DCUN1D5: variants seen among roughly 807,000 people sequenced by gnomAD.
The protein encoded by DCUN1D5 is defective in cullin neddylation 1 domain containing 5, also known as DCN1-like protein 5.
A neutral mutation model predicts 38.3 loss-of-function variants in DCUN1D5; 10 were observed. The observed-to-expected ratio is 0.26, with a 90% CI of 0.16 to 0.44. DCUN1D5 has a LOEUF of 0.44. DCUN1D5 is among the 20% of genes least tolerant of loss of function. The pLI, the probability that DCUN1D5 is intolerant of heterozygous loss-of-function variation, is 1.00. For synonymous variants in DCUN1D5, 93 were observed against 90.9 expected (o/e 1.02, Z -0.13); for missense variants, 148 against 275.3 (o/e 0.54, Z 3.27).
At position 103,062,832 on chromosome 11, in the gene DCUN1D5, A is replaced by G. The variant is rs1862046160; in HGVS notation, c.659-418T>C. Reference sequence around the variant, plus strand: ...CATAATAGAGACTTACTTTATTCCAATAACAGGATGTAGTACAAAGCTGAA... The same window carrying G: ...CATAATAGAGACTTACTTTATTCCAGTAACAGGATGTAGTACAAAGCTGAA... On this transcript the variant is annotated intron_variant, in intron 7 of 7. Transcript: ENST00000260247. This position sits in a 1 kb window ranked among gnomAD's most constrained non-coding sequence, Gnocchi z 4.6. Among the ~76,000 whole-genome samples the G allele has an allele frequency of 6.6e-6, 1 of 152,164 alleles. No individual in the cohort carries two copies. The highest frequency in any genetic ancestry group is 1.5e-5 in the Non-Finnish European group (1 of 67,982).
Position 103,058,168 on chromosome 11 carries a change from T to G in DCUN1D5, c.*4191A>C, listed in dbSNP as rs998497376. On this transcript the variant is annotated 3_prime_UTR_variant, in exon 8 of 8. Transcript: ENST00000260247. ...TAAGGAATATTTAACACATGGTAAATCAGAAACCATGTAAAAATGAGCCAT... is the reference window on the plus strand; with the variant it reads ...TAAGGAATATTTAACACATGGTAAAGCAGAAACCATGTAAAAATGAGCCAT... Among the ~76,000 whole-genome samples, 1 of 151,166 alleles carries G rather than the reference T, an allele frequency of 6.6e-6. No homozygotes were observed. Among genetic ancestry groups the G allele is most frequent in the Admixed American group, 6.6e-5 (1 of 15,136 alleles).
At chr11:103,076,586 C>T (rs550982913) in intron 4 of DCUN1D5, among the ~76,000 whole-genome samples, 7 of 152,222 alleles carry the variant, frequency 4.6e-5, no homozygotes, top group African/African-American at 1.7e-4. Flanking sequence ...GTTACTAAAC[C>T]GTTTTCAGCC....
chr11:103,062,481 C>T lies in DCUN1D5; in HGVS notation c.659-67G>A. The T allele has an allele frequency of 7.3e-7, 1 of 1,377,944 alleles. No individual in the cohort carries two copies. The highest frequency in any genetic ancestry group is 1.2e-5 in the South Asian group (1 of 83,118). 85.4% of individuals were successfully genotyped at this position (1,377,944 alleles called of 1,614,324 possible). On this transcript the variant is annotated intron_variant, in intron 7 of 7. Transcript: ENST00000260247. The surrounding 1 kb of genome is among the most constrained non-coding windows in gnomAD (Gnocchi z 4.6). ...CATCTCTCCAATTATAAAACAAACT[C>T]CCCACGAGCTCTGCAATGACAGAGG...
chr11:103,057,748 G>C lies in DCUN1D5; in HGVS notation c.*4611C>G, dbSNP rs1861908943. ...AAAAAAAAAGGGAAAAGTTAATTAT[G>C]GCTAATATTCTACACAAAACACACA... On this transcript the variant is annotated 3_prime_UTR_variant, in exon 8 of 8. Coordinates refer to ENST00000260247, the MANE Select transcript of DCUN1D5 (RefSeq NM_032299.4). The surrounding 1 kb of genome is among the most constrained non-coding windows in gnomAD (Gnocchi z 4.8). 6.6e-6 allele frequency among the ~76,000 whole-genome samples: 1 copy of C among 151,196 alleles called. No individual in the cohort carries two copies. The highest frequency in any genetic ancestry group is 2.1e-4 in the South Asian group (1 of 4,820).
chr11:103,091,493 G>T lies in DCUN1D5; in HGVS notation c.86+294C>A. The T allele has an allele frequency of 2.7e-6, 1 of 376,192 alleles. No individual in the cohort carries two copies. The highest frequency in any genetic ancestry group is 4.9e-6 in the Non-Finnish European group (1 of 202,878). The allele number at this position is 376,192 out of a possible 1,614,324, so 23.3% of individuals were successfully genotyped here. ...AGGGTCGGTTGTGGGGTGGGGGTGG[G>T]GGTGGGGGGAAGCGCAATTTACATA... On this transcript the variant is annotated intron_variant, in intron 1 of 7. Coordinates refer to ENST00000260247, the MANE Select transcript of DCUN1D5 (RefSeq NM_032299.4). The surrounding 1 kb of genome is among the most constrained non-coding windows in gnomAD (Gnocchi z 4.3).
Position 103,091,474 on chromosome 11 carries a change from G to T in DCUN1D5, c.86+313C>A, listed in dbSNP as rs1326397024. On this transcript the variant is annotated intron_variant, in intron 1 of 7. Transcript: ENST00000260247. The surrounding 1 kb of genome is among the most constrained non-coding windows in gnomAD (Gnocchi z 4.3). ...ATACGGGAGTAGGGGATCGAGGGTC[G>T]GTTGTGGGGTGGGGGTGGGGGTGGG... 3.0e-6 allele frequency: 1 copy of T among 333,006 alleles called. No homozygotes were observed. The highest frequency in any genetic ancestry group is 2.7e-5 in the South Asian group (1 of 37,402). The allele number at this position is 333,006 out of a possible 1,614,324, so 20.6% of individuals were successfully genotyped here. A position where few individuals can be genotyped will look rare whatever the true frequency, so the allele number is the denominator to read the frequency against.
At position 103,091,230 on chromosome 11, in the gene DCUN1D5, A is replaced by G. The variant is rs1301232342; in HGVS notation, c.86+557T>C. Reference sequence around the variant, plus strand: ...TACTTCCAGAAAATGGGGCTCCTGCAATTTAAAAGGCCTCCTGCTGGGACC... The same window carrying G: ...TACTTCCAGAAAATGGGGCTCCTGCGATTTAAAAGGCCTCCTGCTGGGACC... On this transcript the variant is annotated intron_variant, in intron 1 of 7. Transcript: ENST00000260247. This position sits in a 1 kb window ranked among gnomAD's most constrained non-coding sequence, Gnocchi z 4.3. Among the ~76,000 whole-genome samples the G allele has an allele frequency of 6.6e-6, 1 of 152,088 alleles. No individual in the cohort carries two copies. The highest frequency in any genetic ancestry group is 1.5e-5 in the Non-Finnish European group (1 of 68,008).
In DCUN1D5 at chr11:103,060,389, G is replaced by T. The variant is rs925100113; in HGVS notation, c.*1970C>A. Reference sequence around the variant, plus strand: ...AACAGCATGAGTTTGAACTGTGTGGGTCTGCTTATACGCAGATTTTTTTAA... The same window carrying T: ...AACAGCATGAGTTTGAACTGTGTGGTTCTGCTTATACGCAGATTTTTTTAA... On this transcript the variant is annotated 3_prime_UTR_variant, in exon 8 of 8. Transcript: ENST00000260247. 3.3e-5 allele frequency among the ~76,000 whole-genome samples: 5 copies of T among 152,100 alleles called. No individual in the cohort carries two copies. Among genetic ancestry groups the T allele is most frequent in the Admixed American group, 6.6e-5 (1 of 15,252 alleles).
chr11:103,073,356 T>C lies in DCUN1D5; in HGVS notation c.342-6789A>G, dbSNP rs149640034. ...AAGAGTATTCAAAGACTCAAAACAG[T>C]AAAAATGTCAATTCTCCCCAAATTT... On this transcript the variant is annotated intron_variant, in intron 4 of 7. Coordinates refer to ENST00000260247, the MANE Select transcript of DCUN1D5 (RefSeq NM_032299.4). This position sits in a 1 kb window ranked among gnomAD's most constrained non-coding sequence, Gnocchi z 4.2. Among the ~76,000 whole-genome samples the C allele has an allele frequency of 5.1e-3, 772 of 152,198 alleles. 2 individuals are homozygous for C. Among genetic ancestry groups the C allele is most frequent in the Non-Finnish European group, 8.6e-3 (585 of 67,978 alleles).
rs568295924 is a variant in DCUN1D5, at chr11:103,077,547, G to T, written c.341+5201C>A. Among the ~76,000 whole-genome samples the T allele has an allele frequency of 6.6e-6, 1 of 152,214 alleles. No homozygotes were observed. The highest frequency in any genetic ancestry group is 1.9e-4 in the East Asian group (1 of 5,184). ...AAGGCCACTGTAGTTAGAAAGAGAA[G>T]AAATGGGTATTAATTTCAACGTTAG... On this transcript the variant is annotated intron_variant, in intron 4 of 7. Transcript: ENST00000260247. This position sits in a 1 kb window ranked among gnomAD's most constrained non-coding sequence, Gnocchi z 4.3.
chr11:103,052,375 G>T lies in DCUN1D5; in HGVS notation c.*9984C>A, dbSNP rs1466229675. 4 of 152,188 alleles carry T rather than the reference G, an allele frequency of 2.6e-5. No individual in the cohort carries two copies. Among genetic ancestry groups the T allele is most frequent in the Admixed American group, 2.6e-4 (4 of 15,270 alleles). 9.4% of individuals were successfully genotyped at this position (152,188 alleles called of 1,614,324 possible). On this transcript the variant is annotated 3_prime_UTR_variant, in exon 8 of 8. Coordinates refer to ENST00000260247, the MANE Select transcript of DCUN1D5 (RefSeq NM_032299.4). ...GTCCATTTCTTTTAAGTAACTTGCA[G>T]TCTAGGATCAAAGAGAGACGTGAAT...
intron 4 of DCUN1D5, among the ~76,000 whole-genome samples, chr11:103,076,005 T>A (rs1351889004): frequency 6.6e-6 from 1 of 152,196 alleles, no homozygotes; most frequent in Non-Finnish European, 1.5e-5. Flanking sequence ...CATGCCACTA[T>A]AATGTTTGAA....
rs1414247681 is a variant in DCUN1D5, at chr11:103,087,295, C to T, written c.178+1932G>A. The stretch of plus-strand genomic sequence containing the variant: ...ACGCCATTCTCCTGCCCCAGCCTCC[C>T]AAGTAGCTGGGACTACAGGCGCACA... On this transcript the variant is annotated intron_variant, in intron 2 of 7. Coordinates refer to ENST00000260247, the MANE Select transcript of DCUN1D5 (RefSeq NM_032299.4). This position sits in a 1 kb window ranked among gnomAD's most constrained non-coding sequence, Gnocchi z 4.1. 1.3e-5 allele frequency among the ~76,000 whole-genome samples: 2 copies of T among 151,862 alleles called. No homozygotes were observed. The highest frequency in any genetic ancestry group is 2.9e-5 in the Non-Finnish European group (2 of 67,978).
rs1478455405 is a variant in DCUN1D5 at position 103,051,959 on chromosome 11, C to G, written c.*10400G>C. ...CTCTGAAAATCCACTTTGACTATTT[C>G]AGTCCACAGAACTCACTCTCCTCTG... is the stretch of plus-strand genomic sequence containing the variant. On this transcript the variant is annotated 3_prime_UTR_variant, in exon 8 of 8. Coordinates refer to ENST00000260247, the MANE Select transcript of DCUN1D5 (RefSeq NM_032299.4). 1.3e-5 allele frequency: 2 copies of G among 152,184 alleles called. No individual in the cohort carries two copies. Among genetic ancestry groups the G allele is most frequent in the African/African-American group, 4.8e-5 (2 of 41,436 alleles). The allele number at this position is 152,184 out of a possible 1,614,324, so 9.4% of individuals were successfully genotyped here. A position where few individuals can be genotyped will look rare whatever the true frequency, so the allele number is the denominator to read the frequency against.
At position 103,091,049 on chromosome 11, in the gene DCUN1D5, G is replaced by T. The variant is rs1023145052; in HGVS notation, c.86+738C>A. 2.0e-5 allele frequency among the ~76,000 whole-genome samples: 3 copies of T among 152,288 alleles called. No individual in the cohort carries two copies. Among genetic ancestry groups the T allele is most frequent in the Admixed American group, 1.3e-4 (2 of 15,294 alleles). ...CAAAGAGCTACTACTATATAGTTCT[G>T]CCTTGTCTTCTTTCTTACCAGTAGG... is the stretch of plus-strand genomic sequence containing the variant. On this transcript the variant is annotated intron_variant, in intron 1 of 7. Transcript: ENST00000260247. This position sits in a 1 kb window ranked among gnomAD's most constrained non-coding sequence, Gnocchi z 4.3.
chr11:103,062,252 C>A lies in DCUN1D5; in HGVS notation c.*107G>T. ...AGGAAAAAAAAGTACTATGAGAAGTCTTTCATATGAATGAAAATGCACCCG... is the reference window on the plus strand; with the variant it reads ...AGGAAAAAAAAGTACTATGAGAAGTATTTCATATGAATGAAAATGCACCCG... On this transcript the variant is annotated 3_prime_UTR_variant, in exon 8 of 8. Coordinates refer to ENST00000260247, the MANE Select transcript of DCUN1D5 (RefSeq NM_032299.4). The surrounding 1 kb of genome is among the most constrained non-coding windows in gnomAD (Gnocchi z 4.6). 1 of 1,100,096 alleles carries A rather than the reference C, an allele frequency of 9.1e-7. No homozygotes were observed. Among genetic ancestry groups the A allele is most frequent in the Non-Finnish European group, 1.4e-6 (1 of 731,534 alleles). The allele number at this position is 1,100,096 out of a possible 1,614,324, so 68.1% of individuals were successfully genotyped here. A position where few individuals can be genotyped will look rare whatever the true frequency, so the allele number is the denominator to read the frequency against.
rs2134596576 is a variant in DCUN1D5 at position 103,060,780 on chromosome 11, T to C, written c.*1579A>G. Among the ~76,000 whole-genome samples, 1 of 152,322 alleles carries C rather than the reference T, an allele frequency of 6.6e-6. No individual in the cohort carries two copies. The highest frequency in any genetic ancestry group is 2.1e-4 in the South Asian group (1 of 4,828). On this transcript the variant is annotated 3_prime_UTR_variant, in exon 8 of 8. Coordinates refer to ENST00000260247, the MANE Select transcript of DCUN1D5 (RefSeq NM_032299.4). ...ATATGTTCTTCAGTTCAGATGTGCC[T>C]TGAAGAGTCAACTAAATTATAAATT...
chr11:103,051,947 C>CTT lies in DCUN1D5; in HGVS notation c.*10410_*10411dup, dbSNP rs1861750038. 1 of 152,180 alleles carries CTT rather than the reference C, an allele frequency of 6.6e-6. No individual in the cohort carries two copies. The highest frequency in any genetic ancestry group is 2.4e-5 in the African/African-American group (1 of 41,440). The allele number at this position is 152,180 out of a possible 1,614,324, so 9.4% of individuals were successfully genotyped here. On this transcript the variant is annotated 3_prime_UTR_variant, in exon 8 of 8. Coordinates refer to ENST00000260247, the MANE Select transcript of DCUN1D5 (RefSeq NM_032299.4). ...GCGTCTCATCTGCTCTGAAAATCCA[C>CTT]TTTGACTATTTCAGTCCACAGAACT... is the stretch of plus-strand genomic sequence containing the variant.
At chr11:103,082,861 G>A in intron 3 of DCUN1D5, 22 bp from the exon 4 acceptor site, 1 of 1,579,444 alleles carries the variant, frequency 6.3e-7, no homozygotes, top group Non-Finnish European at 8.7e-7. Flanking sequence ...AGAACATAAA[G>A]GATAGGGGAA....
Sources: allele counts gnomAD v4.1 joint callset (sites outside exome capture counted in the v4.1 genomes callset), GRCh38; gene constraint gnomAD v4.1.1; non-coding constraint Gnocchi (gnomAD v3.1); transcripts MANE v1.5; gene names NCBI Gene and HGNC (gene_info 2026-07-23, HGNC 2026-07-21).